Variants in PCDH7 observed in about 807,000 individuals in gnomAD.
PCDH7 encodes the protein protocadherin 7, also known as protocadherin-7.
In PCDH7, 17 loss-of-function variants were observed where a neutral mutation model predicts 58.9. The ratio of observed to expected loss-of-function variants is 0.29; its 90% CI spans 0.20 to 0.43. The LOEUF is 0.43. Among genes scored for constraint, PCDH7 ranks in the 20% least tolerant of loss-of-function variants. The pLI is 1.00. For missense variants in PCDH7, 1,274 were observed against 1,441.0 expected, an observed-to-expected ratio of 0.88 and a Z score of 1.88; for synonymous variants, 664 against 616.4, an observed-to-expected ratio of 1.08 and a Z score of -1.14.
At position 30,743,742 on chromosome 4, in the gene PCDH7, A is replaced by G. The variant is rs181007059; in HGVS notation, c.70+19146A>G. On this transcript the variant is annotated intron_variant, in intron 1 of 3. Coordinates refer to the PCDH7 transcript ENST00000509759. ...CTCTCATACATACACACACACACAC[A>G]CACACGTATACCTCAACAAGCTCAA... 3.4e-3 allele frequency among the ~76,000 whole-genome samples: 524 copies of G among 152,178 alleles called. 6 individuals are homozygous for G. The highest frequency in any genetic ancestry group is 0.012 in the African/African-American group (503 of 41,528).
chr4:31,094,550 C>T (rs77965487), intron 3 of PCDH7, among the ~76,000 whole-genome samples: 2,047 of 152,228 alleles, frequency 0.013, 56 homozygotes, highest in African/African-American at 0.046. Flanking sequence ...ACAGGTCACA[C>T]TGAGATAACA....
At chr4:31,092,311 G>T (rs370944138) in intron 3 of PCDH7, among the ~76,000 whole-genome samples, 1 of 151,972 alleles carries the variant, frequency 6.6e-6, no homozygotes. Context: ...ACCTGCTAGG[G>T]ATAGACGTTG....
intron 2 of PCDH7, among the ~76,000 whole-genome samples, chr4:30,922,940 G>C (rs1185267386): frequency 6.6e-6 from 1 of 152,090 alleles, no homozygotes; most frequent in South Asian, 2.1e-4. Context: ...TTAAATTCTG[G>C]TAATTTCATC....
At chr4:30,860,290 G>C (rs1198620847) in intron 1 of PCDH7, among the ~76,000 whole-genome samples, 1 of 152,070 alleles carries the variant, frequency 6.6e-6, no homozygotes, top group Non-Finnish European at 1.5e-5. Context: ...TTCCTAAGGG[G>C]ATAAAAGAAT....
intron 3 of PCDH7, among the ~76,000 whole-genome samples, chr4:31,062,824 G>A (rs1757792331): frequency 6.6e-6 from 1 of 151,760 alleles, no homozygotes; most frequent in African/African-American, 2.4e-5. Flanking sequence ...GAGGTTTTAA[G>A]TAAAATCAAA....
In PCDH7 at chr4:30,897,890, T is replaced by C. The variant is rs150994335; in HGVS notation, c.71-22263T>C. ...CCAACTAGTACAATATATATGATTC[T>C]TTGGCAATAATGGAAAATATCTGTA... On this transcript the variant is annotated intron_variant, in intron 1 of 3. Transcript: ENST00000509759. 9.2e-3 allele frequency among the ~76,000 whole-genome samples: 1,397 copies of C among 152,348 alleles called. 10 individuals are homozygous for C. Among genetic ancestry groups the C allele is most frequent in the Middle Eastern group, 0.041 (12 of 294 alleles).
At chr4:30,907,803 A>G (rs1476092149) in intron 1 of PCDH7, among the ~76,000 whole-genome samples, 1 of 152,200 alleles carries the variant, frequency 6.6e-6, no homozygotes, top group Non-Finnish European at 1.5e-5. Flanking sequence ...ATGCACACGT[A>G]TGTTTATTGC....
chr4:30,733,324 G>A (rs1170585837), downstream of PCDH7, among the ~76,000 whole-genome samples: 1 of 152,150 alleles, frequency 6.6e-6, no homozygotes, highest in Non-Finnish European at 1.5e-5. Flanking sequence ...TTTGGATAAA[G>A]TTTTTTCCTT....
At chr4:30,826,237 A>G (rs1418904608) in intron 1 of PCDH7, among the ~76,000 whole-genome samples, 6 of 152,146 alleles carry the variant, frequency 3.9e-5, no homozygotes, top group Non-Finnish European at 8.8e-5. Context: ...TTCATTACAA[A>G]TTTCGTGAAA....
chr4:30,864,095 T>G (rs1368804766), intron 1 of PCDH7, among the ~76,000 whole-genome samples: 1 of 151,944 alleles, frequency 6.6e-6, no homozygotes, highest in African/African-American at 2.4e-5. Flanking sequence ...AGGAAGTTGG[T>G]TAATTATTCC....
At chr4:30,934,781 A>G (rs912873013) in intron 2 of PCDH7, among the ~76,000 whole-genome samples, 4 of 152,170 alleles carry the variant, frequency 2.6e-5, no homozygotes, top group African/African-American at 9.6e-5. Flanking sequence ...CTTCTTAAAT[A>G]TAACAATTCT....
At chr4:31,095,373 G>A (rs189684365) in intron 3 of PCDH7, among the ~76,000 whole-genome samples, 13 of 152,184 alleles carry the variant, frequency 8.5e-5, no homozygotes, top group African/African-American at 1.4e-4. Flanking sequence ...ACCTGCAAGC[G>A]TTTTTATAGC....
intron 1 of PCDH7, among the ~76,000 whole-genome samples, chr4:30,815,672 C>A (rs866243625): frequency 3.9e-5 from 6 of 152,330 alleles, no homozygotes; most frequent in Middle Eastern, 6.8e-3. Flanking sequence ...GAAGATCATA[C>A]ACCAGTAAAA....
rs933590764 is a variant in PCDH7 at position 30,770,697 on chromosome 4, A to C, written c.70+46101A>C. The stretch of plus-strand genomic sequence containing the variant: ...GCCTGCCAAAATTCCTATTAAGTAC[A>C]TAGGAATGAAATGCAACTTCCCCAT... On this transcript the variant is annotated intron_variant, in intron 1 of 3. Coordinates refer to the PCDH7 transcript ENST00000509759. 3.9e-5 allele frequency among the ~76,000 whole-genome samples: 6 copies of C among 152,200 alleles called. No homozygotes were observed. In the East Asian group the frequency reaches 1.2e-3, roughly 29 times the overall value.
At chr4:30,914,741 G>A (rs188843613) in intron 1 of PCDH7, among the ~76,000 whole-genome samples, 25 of 152,228 alleles carry the variant, frequency 1.6e-4, no homozygotes, top group African/African-American at 5.5e-4. Flanking sequence ...GGAGCTTAAG[G>A]CTCTTTTTAT....
chr4:30,920,589 A>G (rs1422293589), intron 2 of PCDH7, among the ~76,000 whole-genome samples: 1 of 152,180 alleles, frequency 6.6e-6, no homozygotes, highest in African/African-American at 2.4e-5. Context: ...ACATCCTGTC[A>G]GAAATAAACG....
intron 1 of PCDH7, among the ~76,000 whole-genome samples, chr4:30,869,808 A>T (rs1735325936): frequency 6.6e-6 from 1 of 152,232 alleles, no homozygotes; most frequent in South Asian, 2.1e-4. Context: ...CAGTAATGGG[A>T]TTGCTGGGTC....
chr4:30,800,082 ACT>A (rs1284282836), intron 1 of PCDH7, among the ~76,000 whole-genome samples: 3 of 150,816 alleles, frequency 2.0e-5, no homozygotes, highest in African/African-American at 7.3e-5. Flanking sequence ...CCGGTCTCGA[ACT>A]CCTGACCTCA....
chr4:30,723,871 T>A lies in PCDH7; in HGVS notation c.2449T>A (p.Leu817Met), dbSNP rs1222295860. 1.9e-6 allele frequency: 3 copies of A among 1,613,468 alleles called. No homozygotes were observed. The highest frequency in any genetic ancestry group is 2.5e-6 in the Non-Finnish European group (3 of 1,179,904). Residue 817 changes from leucine (L) to methionine (M), a missense_variant, in exon 1 of 2, where the codon TTG becomes ATG. Around this residue, in one of 3 missense-constraint regions of PCDH7, gnomAD observed 731 missense variants for 881.9 expected, o/e 0.83. Transcript: ENST00000361762. This position sits in a 1 kb window ranked among gnomAD's most constrained non-coding sequence, Gnocchi z 4.6. ...CCAAAAGCATTATGGCTTGCACAGG[T>A]TGGTGGTGCAAGTGAATGACAGTGG...
Sources: gnomAD v4.1 joint callset for allele counts (sites outside exome capture counted in the v4.1 genomes callset) on GRCh38, gnomAD v4.1.1 for gene constraint, gnomAD v4.1.1 regional missense constraint, Gnocchi (gnomAD v3.1) non-coding constraint, MANE v1.5 for transcripts, NCBI Gene and HGNC (gene_info 2026-07-23, HGNC 2026-07-21) for gene names.